The following PTPN3 variants were observed in gnomAD, a reference collection of about 807,000 sequenced individuals.
The protein encoded by PTPN3 is protein tyrosine phosphatase non-receptor type 3.
PTPN3 carries 96 observed loss-of-function variants against 132.7 expected under a neutral mutation model. The observed-to-expected ratio is 0.72, with a 90% CI of 0.61 to 0.86. PTPN3 has a LOEUF of 0.86. Among genes scored for constraint, PTPN3 ranks in the 40% least tolerant of loss-of-function variants. The pLI is 0.00. For synonymous variants in PTPN3, 398 were observed against 429.0 expected, an observed-to-expected ratio of 0.93 and a Z score of 0.89; for missense variants, 1,125 against 1,159.6, an observed-to-expected ratio of 0.97 and a Z score of 0.43.
chr9:109,504,610 G>A, the PTPN3 span, among the ~76,000 whole-genome samples: 3 of 152,222 alleles, frequency 2.0e-5, no homozygotes, highest in African/African-American at 7.2e-5. Context: ...AAGGACACTT[G>A]TGGGAACCCT....
At chr9:109,495,040 G>C (rs537390767) in intron 1 of PTPN3, among the ~76,000 whole-genome samples, 1 of 152,058 alleles carries the variant, frequency 6.6e-6, no homozygotes, top group Non-Finnish European at 1.5e-5. Flanking sequence ...GGTCCTTCTC[G>C]GCCAGAGGAA....
In PTPN3 at chr9:109,375,966, T is replaced by G. The variant is rs1398669655; in HGVS notation, c.*3590A>C. On this transcript the variant is annotated 3_prime_UTR_variant, in exon 26 of 26. Coordinates refer to ENST00000374541, the MANE Select transcript of PTPN3 (RefSeq NM_002829.4). Reference sequence around the variant, plus strand: ...GAATCTTTGCCACCTTTACCGAGACTGCTCTCAGCTGAGGACAACAGGCAA... The same window carrying G: ...GAATCTTTGCCACCTTTACCGAGACGGCTCTCAGCTGAGGACAACAGGCAA... The G allele has an allele frequency of 6.6e-6, 1 of 152,166 alleles. No individual in the cohort carries two copies. The highest frequency in any genetic ancestry group is 1.9e-4 in the East Asian group (1 of 5,194). 9.4% of individuals were successfully genotyped at this position (152,166 alleles called of 1,614,324 possible).
chr9:109,449,607 A>G, intron 5 of PTPN3: 2 of 985,438 alleles, frequency 2.0e-6, no homozygotes, highest in Non-Finnish European at 2.4e-6. Flanking sequence ...CAGGTCAGGA[A>G]GCGCCCTGGG....
intron 14 of PTPN3, among the ~76,000 whole-genome samples, chr9:109,413,553 C>A (rs1315075997): frequency 6.6e-6 from 1 of 152,128 alleles, no homozygotes. Context: ...AGGGGAGTTG[C>A]CCCATGAATT....
intron 1 of PTPN3, among the ~76,000 whole-genome samples, chr9:109,493,597 T>C (rs939854782): frequency 1.3e-5 from 2 of 152,208 alleles, no homozygotes; most frequent in Non-Finnish European, 2.9e-5. Context: ...TTCCACTCTC[T>C]CAGTATCCAA....
chr9:109,533,125 A>ACTTT, the PTPN3 span, among the ~76,000 whole-genome samples: 1 of 49,802 alleles, frequency 2.0e-5, no homozygotes, highest in Admixed American at 2.9e-4. Context: ...ATACCTGGCT[A>ACTTT]ATTTTTTTTT....
At chr9:109,396,264 G>C (rs1840594831) in intron 19 of PTPN3, among the ~76,000 whole-genome samples, 2 of 152,230 alleles carry the variant, frequency 1.3e-5, no homozygotes, top group South Asian at 4.1e-4. Context: ...AGAGTGGAAA[G>C]TGAGTGTAGG....
intron 5 of PTPN3, 77 bp downstream of exon 5, chr9:109,454,419 A>G (rs1845452686): frequency 4.9e-6 from 6 of 1,225,038 alleles, no homozygotes; most frequent in Non-Finnish European, 7.2e-6. Flanking sequence ...TGGCCATAGT[A>G]ATAAAATGAA....
the PTPN3 span, chr9:109,534,182 C>T: frequency 8.9e-6 from 9 of 1,005,912 alleles, no homozygotes; most frequent in Admixed American, 1.2e-4. Context: ...TTCTTGTCCC[C>T]GCCGGCAGGT....
the PTPN3 span, among the ~76,000 whole-genome samples, chr9:109,525,631 C>G: frequency 6.6e-6 from 1 of 152,240 alleles, no homozygotes; most frequent in East Asian, 1.9e-4. Flanking sequence ...CTGCCACTCT[C>G]CCTCTTCAGG....
At chr9:109,389,405 G>GA (rs750040948) in intron 21 of PTPN3, 26 bp from the exon 22 acceptor site, 1 of 1,605,318 alleles carries the variant, frequency 6.2e-7, no homozygotes, top group Non-Finnish European at 8.5e-7. Flanking sequence ...TAAAGTATTA[G>GA]AATCTGTTGC....
chr9:109,449,174 G>C (rs1845072272), intron 5 of PTPN3: 1 of 1,131,650 alleles, frequency 8.8e-7, no homozygotes, highest in Non-Finnish European at 1.1e-6. Context: ...GGGTTCCGCT[G>C]TCAGTGAGCG....
chr9:109,505,945 G>T, the PTPN3 span, among the ~76,000 whole-genome samples: 1 of 151,776 alleles, frequency 6.6e-6, no homozygotes, highest in Non-Finnish European at 1.5e-5. Flanking sequence ...TAGAGACAGG[G>T]TTTCACCGTG....
intron 9 of PTPN3, among the ~76,000 whole-genome samples, chr9:109,433,916 TAAAAAAAAAAAA>T (rs1170933792): frequency 1.0e-5 from 1 of 98,284 alleles, no homozygotes; most frequent in Non-Finnish European, 2.2e-5. Flanking sequence ...AGACTCTGTT[TAAAAAAAAAAAA>T]AAAAAAAAAA....
At chr9:109,473,212 T>C (rs1038384579) in intron 1 of PTPN3, among the ~76,000 whole-genome samples, 5 of 152,206 alleles carry the variant, frequency 3.3e-5, no homozygotes, top group African/African-American at 1.2e-4. Context: ...ACTCCAAAAG[T>C]ACAATTTTGG....
intron 14 of PTPN3, among the ~76,000 whole-genome samples, chr9:109,414,867 A>T (rs1842352106): frequency 6.6e-6 from 1 of 152,212 alleles, no homozygotes; most frequent in Admixed American, 6.5e-5. Context: ...AAACTTGTCA[A>T]AGTAAATATG....
the PTPN3 span, chr9:109,534,456 C>T: frequency 1.2e-5 from 14 of 1,186,242 alleles, no homozygotes; most frequent in South Asian, 1.6e-5. Flanking sequence ...TCTCCGCTCC[C>T]GCTACCGATC....
chr9:109,403,296 T>C (rs184948033), intron 19 of PTPN3, among the ~76,000 whole-genome samples: 9 of 152,350 alleles, frequency 5.9e-5, no homozygotes, highest in African/African-American at 2.2e-4. Flanking sequence ...CCTTCCTCAA[T>C]TACTCTGCAG....
chr9:109,532,997 C>G, the PTPN3 span: 2 of 515,526 alleles, frequency 3.9e-6, no homozygotes, highest in Non-Finnish European at 2.7e-6. Flanking sequence ...CTCTTGTCCC[C>G]CAGGCTGGAG....
Sources: gnomAD v4.1 joint callset for allele counts (sites outside exome capture counted in the v4.1 genomes callset) on GRCh38, gnomAD v4.1.1 for gene constraint, MANE v1.5 for transcripts, NCBI Gene and HGNC (gene_info 2026-07-23, HGNC 2026-07-21) for gene names.